The following SBK1 variants were observed in gnomAD, a reference collection of about 807,000 sequenced individuals.
SBK1 encodes serine/threonine-protein kinase SBK1.
SBK1 carries 11 observed loss-of-function variants against 24.4 expected under a neutral mutation model. The observed-to-expected ratio is 0.45, with a 90% confidence interval of 0.28 to 0.75. The LOEUF (loss-of-function observed/expected upper bound fraction) is 0.75. SBK1 is among the 30% of genes least tolerant of loss of function. SBK1 has a pLI of 0.12. For missense variants in SBK1, 467 were observed against 620.5 expected (o/e 0.75, Z 2.63); for synonymous variants, 308 against 284.4 (o/e 1.08, Z -0.83).
In SBK1 at chr16:28,320,277, A is replaced by G. The variant is rs768691439; in HGVS notation, c.631A>G (p.Thr211Ala). The G allele has an allele frequency of 2.5e-6, 4 of 1,590,020 alleles. No individual in the cohort carries two copies. Among genetic ancestry groups the G allele is most frequent in the East Asian group, 4.5e-5 (2 of 44,408 alleles). ...VGCRVKRVSG[T>A]IPYTAPEVCQ... ...CTGCCGCGTCAAGCGCGTGAGCGGC[A>G]CCATCCCTTACACGGCGCCTGAGGT... Residue 211 changes from threonine to alanine, a missense_variant, in exon 4 of 4, where the codon ACC becomes GCC. Thr to Ala is a moderately conservative substitution (Grantham distance 58). Coordinates refer to ENST00000341901, the MANE Select transcript of SBK1 (RefSeq NM_001024401.3). This position sits in a 1 kb window ranked among gnomAD's most constrained non-coding sequence, Gnocchi z 8.5.
In SBK1 at chr16:28,319,952, C is replaced by T; in HGVS notation, c.430-124C>T. On this transcript the variant is annotated intron_variant, in intron 3 of 3. Coordinates refer to ENST00000341901, the MANE Select transcript of SBK1 (RefSeq NM_001024401.3). The surrounding 1 kb of genome is among the most constrained non-coding windows in gnomAD (Gnocchi z 4.0). ...CATCCGGGCCGCGTCTGCGCGGTCGCCCCAGTTACTGGGGACAGGGTGGGA... is the reference window on the plus strand; with the variant it reads ...CATCCGGGCCGCGTCTGCGCGGTCGTCCCAGTTACTGGGGACAGGGTGGGA... 2.1e-6 allele frequency: 2 copies of T among 955,838 alleles called. No individual in the cohort carries two copies. The highest frequency in any genetic ancestry group is 3.8e-5 in the South Asian group (2 of 52,498). The allele number at this position is 955,838 out of a possible 1,614,324, so 59.2% of individuals were successfully genotyped here.
chr16:28,312,270 A>G (rs528066778), intron 1 of SBK1, among the ~76,000 whole-genome samples: 1 of 152,336 alleles, frequency 6.6e-6, no homozygotes, highest in African/African-American at 2.4e-5. Context: ...AGGCCTGCAC[A>G]GAAGCAGCCT....
rs183956157 is a variant in SBK1, at chr16:28,263,442, C to T, written c.257+3940C>T. Among the ~76,000 whole-genome samples, 5 of 152,256 alleles carry T rather than the reference C, an allele frequency of 3.3e-5. No individual in the cohort carries two copies. The East Asian group carries it at 9.7e-4, about 29-fold the overall frequency. ...GACCTAGAGAATGAGAAGTAGCCAG[C>T]AGTGGGGAGACGGGTAGTAACAGCA... On this transcript the variant is annotated intron_variant, in intron 1 of 3. Transcript: ENST00000671413.
intron 1 of SBK1, among the ~76,000 whole-genome samples, chr16:28,270,004 G>A (rs998366545): frequency 3.3e-5 from 5 of 152,128 alleles, no homozygotes; most frequent in African/African-American, 1.2e-4. Flanking sequence ...GAATCATAAT[G>A]GCATCGGACT....
chr16:28,266,734 T>C (rs1567669030), intron 1 of SBK1, among the ~76,000 whole-genome samples: 2 of 47,290 alleles, frequency 4.2e-5, no homozygotes, highest in South Asian at 6.4e-4. Flanking sequence ...TTTTCTTTTC[T>C]TTTTTTTTTT....
In SBK1 at chr16:28,320,668, G is replaced by A. The variant is rs917820504; in HGVS notation, c.1022G>A (p.Gly341Glu). ...KPPGDRPPAA[G>E]PLRLEAPGPL... ...CCCGGGGACCGCCCGCCCGCCGCCG[G>A]GCCACTGCGCCTCGAGGCGCCTGGG... Residue 341 changes from glycine to glutamate, a missense_variant, in exon 4 of 4, where the codon GGG becomes GAG. By Grantham distance (98) the Gly-to-Glu change is moderately conservative (BLOSUM62 -2). Coordinates refer to ENST00000341901, the MANE Select transcript of SBK1 (RefSeq NM_001024401.3). The surrounding 1 kb of genome is among the most constrained non-coding windows in gnomAD (Gnocchi z 8.5). 55 of 1,086,926 alleles carry A rather than the reference G, an allele frequency of 5.1e-5. No individual in the cohort carries two copies. Among genetic ancestry groups the A allele is most frequent in the Non-Finnish European group, 6.0e-5 (54 of 895,440 alleles). The allele number at this position is 1,086,926 out of a possible 1,614,324, so 67.3% of individuals were successfully genotyped here.
chr16:28,302,968 G>GC (rs1555537952), intron 1 of SBK1, among the ~76,000 whole-genome samples: 33 of 151,760 alleles, frequency 2.2e-4, no homozygotes, highest in Admixed American at 2.2e-3. Context: ...GCATGGGGGG[G>GC]GGTCAGGAGT....
chr16:28,277,999 C>T (rs78936820), intron 1 of SBK1, among the ~76,000 whole-genome samples: 8,255 of 152,362 alleles, frequency 0.054, 530 homozygotes, highest in Admixed American at 0.19. Flanking sequence ...GTGGCCTCAG[C>T]CAGGTTACAC....
At chr16:28,301,203 C>T (rs2044676352) in intron 1 of SBK1, among the ~76,000 whole-genome samples, 1 of 152,256 alleles carries the variant, frequency 6.6e-6, no homozygotes, top group Non-Finnish European at 1.5e-5. Flanking sequence ...GCTTATCCCA[C>T]ACCCCTGGGG....
intron 1 of SBK1, among the ~76,000 whole-genome samples, chr16:28,262,167 A>C (rs1218241483): frequency 1.3e-5 from 2 of 152,112 alleles, no homozygotes. Flanking sequence ...GAGGAGGGGC[A>C]GTGGGGCAAT....
chr16:28,317,311 G>A lies in SBK1; in HGVS notation c.-7-74G>A, dbSNP rs1461172807. 3.5e-5 allele frequency: 40 copies of A among 1,159,358 alleles called. 1 individual carries two copies. Among genetic ancestry groups the A allele is most frequent in the Non-Finnish European group, 8.9e-6 (7 of 789,782 alleles). The allele number at this position is 1,159,358 out of a possible 1,614,324, so 71.8% of individuals were successfully genotyped here. ...CCATCCTCAAGTTTTCTGGGTTCTG[G>A]GGAGGGCAGAGGGGCTGGAGGAGGG... On this transcript the variant is annotated intron_variant, in intron 1 of 3. Coordinates refer to ENST00000341901, the MANE Select transcript of SBK1 (RefSeq NM_001024401.3). The surrounding 1 kb of genome is among the most constrained non-coding windows in gnomAD (Gnocchi z 4.2).
In SBK1 at chr16:28,274,951, A is replaced by C. The variant is rs577654125; in HGVS notation, c.257+15449A>C. 2.0e-4 allele frequency among the ~76,000 whole-genome samples: 30 copies of C among 152,316 alleles called. No individual in the cohort carries two copies. The Middle Eastern group carries it at 0.01, about 52-fold the overall frequency. On this transcript the variant is annotated intron_variant, in intron 1 of 3. Transcript: ENST00000671413. Reference sequence around the variant, plus strand: ...GAATGCCTAAAACTGGAAAAGAAGCAATGTAAACATGGTATGTAGGAAATG... The same window carrying C: ...GAATGCCTAAAACTGGAAAAGAAGCCATGTAAACATGGTATGTAGGAAATG...
upstream of SBK1, chr16:28,291,064 G>GCA (rs2044595860): frequency 6.6e-6 from 1 of 152,164 alleles, no homozygotes; most frequent in Non-Finnish European, 1.5e-5. Flanking sequence ...GTAGGTACTT[G>GCA]CGTTTGCAAT....
intron 1 of SBK1, among the ~76,000 whole-genome samples, chr16:28,274,358 GT>G (rs1474701477): frequency 1.3e-5 from 2 of 152,038 alleles, no homozygotes; most frequent in East Asian, 3.9e-4. Context: ...ATTCAAACGC[GT>G]TCTGCTCAGG....
In SBK1 at chr16:28,292,723, A is replaced by C. The variant is rs575179634; in HGVS notation, c.-585A>C. 8.1e-6 allele frequency: 8 copies of C among 984,526 alleles called. No homozygotes were observed. Among genetic ancestry groups the C allele is most frequent in the Non-Finnish European group, 2.4e-6 (2 of 829,400 alleles). The allele number at this position is 984,526 out of a possible 1,614,324, so 61.0% of individuals were successfully genotyped here. ...CGCCCGCCGGTGGCCGGGACCCACT[A>C]AAGCCCCCGCAGCCGAGGAGTGCGG... On this transcript the variant is annotated 5_prime_UTR_variant, in exon 1 of 4. Transcript: ENST00000341901.
At chr16:28,308,730 C>T (rs1259877015) in intron 1 of SBK1, among the ~76,000 whole-genome samples, 1 of 141,752 alleles carries the variant, frequency 7.1e-6, no homozygotes, top group Admixed American at 7.2e-5. Flanking sequence ...TCGTGCCTGG[C>T]GTTCTTTGGG....
intron 1 of SBK1, among the ~76,000 whole-genome samples, chr16:28,295,496 G>A (rs1402403690): frequency 2.6e-5 from 4 of 152,130 alleles, no homozygotes; most frequent in East Asian, 1.9e-4. Context: ...AGGTAGTGGC[G>A]TGTGTCTACA....
chr16:28,284,431 A>G (rs2044552913), intron 1 of SBK1, among the ~76,000 whole-genome samples: 1 of 152,210 alleles, frequency 6.6e-6, no homozygotes, highest in African/African-American at 2.4e-5. Context: ...CCCCATGGGC[A>G]TGGGCGGGGT....
rs1444101838 is a variant in SBK1, at chr16:28,319,533, C to G, written c.429+336C>G. Among the ~76,000 whole-genome samples, 1 of 152,104 alleles carries G rather than the reference C, an allele frequency of 6.6e-6. No homozygotes were observed. The highest frequency in any genetic ancestry group is 6.5e-5 in the Admixed American group (1 of 15,270). The stretch of plus-strand genomic sequence containing the variant: ...CCTGGGAAGGGGCCCTCAGAGGAAG[C>G]GACCCTGGAACCGGGACGGTGGGGG... On this transcript the variant is annotated intron_variant, in intron 3 of 3. Transcript: ENST00000341901. This position sits in a 1 kb window ranked among gnomAD's most constrained non-coding sequence, Gnocchi z 4.0.
Sources: allele counts gnomAD v4.1 joint callset (sites outside exome capture counted in the v4.1 genomes callset), GRCh38; gene constraint gnomAD v4.1.1; non-coding constraint Gnocchi (gnomAD v3.1); transcripts MANE v1.5; gene names NCBI Gene and HGNC (gene_info 2026-07-23, HGNC 2026-07-21).